The following PPP1R37 variants were observed in gnomAD, a reference collection of about 807,000 sequenced individuals.
PPP1R37 encodes protein phosphatase 1 regulatory subunit 37, also known as leucine rich repeat containing 68.
Under a neutral mutation model 61.0 loss-of-function variants are expected in PPP1R37, and 21 were observed. The observed-to-expected ratio is 0.34, with a 90% confidence interval of 0.24 to 0.50. The LOEUF (loss-of-function observed/expected upper bound fraction) is 0.50. Among genes scored for constraint, PPP1R37 ranks in the 20% least tolerant of loss-of-function variants. The pLI, the probability that PPP1R37 is intolerant of heterozygous loss-of-function variation, is 0.98. For missense variants in PPP1R37, 910 were observed against 952.7 expected (o/e 0.96, Z 0.59); for synonymous variants, 443 against 433.5 (o/e 1.02, Z -0.27).
intron 1 of PPP1R37, among the ~76,000 whole-genome samples, chr19:45,104,845 G>T (rs1312055503): frequency 4.6e-5 from 7 of 152,128 alleles, no homozygotes; most frequent in Non-Finnish European, 7.4e-5. Flanking sequence ...CACGCAGGCA[G>T]CTCCCCACAT....
chr19:45,109,322 G>A (rs1453919164), intron 1 of PPP1R37, among the ~76,000 whole-genome samples: 2 of 152,170 alleles, frequency 1.3e-5, no homozygotes, highest in African/African-American at 4.8e-5. Flanking sequence ...CCCCATCTCA[G>A]TGTGAACAGC....
chr19:45,145,181 T>A lies in PPP1R37; in HGVS notation c.1217T>A (p.Leu406His). The A allele has an allele frequency of 2.0e-6, 3 of 1,535,116 alleles. No homozygotes were observed. Among genetic ancestry groups the A allele is most frequent in the Non-Finnish European group, 2.6e-6 (3 of 1,146,490 alleles). Residue 406 changes from leucine (L) to histidine (H), a missense_variant, in exon 10 of 13, where the codon CTC (leucine) becomes CAC (histidine). Leu to His is a moderately conservative substitution (Grantham distance 99, BLOSUM62 -3). Coordinates refer to ENST00000221462, the MANE Select transcript of PPP1R37 (RefSeq NM_019121.2). ...GAGAACGAGATCAAGACAGGCGGGC[T>A]CATGGCACTGTCGTTGGCCCTCAAG... ...LRENEIKTGG[L>H]MALSLALKVN...
In PPP1R37 at chr19:45,145,529, G is replaced by C; in HGVS notation, c.1473G>C (p.Gly491=). Residue 491 remains glycine, a synonymous_variant, in exon 11 of 13, where the codon GGG becomes GGC. Coordinates refer to ENST00000221462, the MANE Select transcript of PPP1R37 (RefSeq NM_019121.2). ...EPQPDDEPAA[G]VQNGAPSPAP... ...AGCCCGACGACGAGCCCGCCGCTGGGGTGCAGAACGGGGCCCCCAGCCCCG... is the reference window on the plus strand; with the variant it reads ...AGCCCGACGACGAGCCCGCCGCTGGCGTGCAGAACGGGGCCCCCAGCCCCG... 1.3e-6 allele frequency: 2 copies of C among 1,534,268 alleles called. No homozygotes were observed. The highest frequency in any genetic ancestry group is 1.7e-6 in the Non-Finnish European group (2 of 1,146,044).
intron 1 of PPP1R37, among the ~76,000 whole-genome samples, chr19:45,122,692 G>T (rs1028972802): frequency 3.3e-5 from 5 of 152,074 alleles, no homozygotes; most frequent in Non-Finnish European, 7.4e-5. Flanking sequence ...AGGAAGAGGG[G>T]TGCTCTGGGC....
At chr19:45,095,213 A>C (rs1187267406) in intron 1 of PPP1R37, among the ~76,000 whole-genome samples, 4 of 152,136 alleles carry the variant, frequency 2.6e-5, no homozygotes, top group Non-Finnish European at 5.9e-5. Flanking sequence ...TTTTAGACGG[A>C]GTCTCCCTCT....
intron 1 of PPP1R37, among the ~76,000 whole-genome samples, chr19:45,117,528 C>T (rs1221718748): frequency 6.6e-6 from 1 of 152,164 alleles, no homozygotes; most frequent in Non-Finnish European, 1.5e-5. Flanking sequence ...AATTGTGCGC[C>T]TGCTTTGGGT....
rs1470461398 is a variant in PPP1R37 at position 45,130,376 on chromosome 19, C to T, written c.203-8138C>T. Among the ~76,000 whole-genome samples the T allele has an allele frequency of 6.6e-6, 1 of 152,192 alleles. No homozygotes were observed. Among genetic ancestry groups the T allele is most frequent in the Non-Finnish European group, 1.5e-5 (1 of 68,022 alleles). On this transcript the variant is annotated intron_variant, in intron 1 of 12. Coordinates refer to ENST00000221462, the MANE Select transcript of PPP1R37 (RefSeq NM_019121.2). The surrounding 1 kb of genome is among the most constrained non-coding windows in gnomAD (Gnocchi z 4.4). ...TCCTGCAGAATGAGAGCGAAGTCCT[C>T]ACCAGGGTCCACGGGGTCACCGTCC...
intron 1 of PPP1R37, chr19:45,128,451 A>G: frequency 1.7e-6 from 1 of 577,492 alleles, no homozygotes; most frequent in Non-Finnish European, 3.0e-6. Context: ...GTTTAAAGTC[A>G]AGGCAGGGTG....
At chr19:45,127,386 G>A (rs1427175364) in intron 1 of PPP1R37, among the ~76,000 whole-genome samples, 1 of 150,050 alleles carries the variant, frequency 6.7e-6, no homozygotes, top group African/African-American at 2.5e-5. Context: ...ACCCTAGGTG[G>A]CATGCCTACT....
At chr19:45,146,286 C>G in intron 11 of PPP1R37, 104 bp from the exon 12 acceptor site, 1 of 1,109,284 alleles carries the variant, frequency 9.0e-7, no homozygotes, top group Admixed American at 2.3e-5. Flanking sequence ...TCAGCGGTCT[C>G]TGGGCACTCT....
chr19:45,103,467 G>A (rs1968089482), intron 1 of PPP1R37, among the ~76,000 whole-genome samples: 1 of 152,210 alleles, frequency 6.6e-6, no homozygotes, highest in Admixed American at 6.5e-5. Flanking sequence ...GGACTCGTGT[G>A]CCACCTTCAC....
rs1231365889 is a variant in PPP1R37 at position 45,142,457 on chromosome 19, G to A, written c.873G>A (p.Ser291=). The change falls in exon 7 of 13, where the codon TCG becomes TCA. Residue 291 remains serine (S), a splice_region_variant and synonymous_variant. Transcript: ENST00000221462. Reference sequence around the variant, plus strand: ...TCCGGAACAACCACGTGCTAGACTCGGGTGGGTGCAGTGGCCCACCCCACC... The same window carrying A: ...TCCGGAACAACCACGTGCTAGACTCAGGTGGGTGCAGTGGCCCACCCCACC... The part of the protein sequence containing the change: ...LDLRNNHVLD[S]GLAYICEGLK... 1.8e-5 allele frequency: 28 copies of A among 1,535,688 alleles called. No homozygotes were observed. The highest frequency in any genetic ancestry group is 6.9e-5 in the African/African-American group (5 of 72,988).
At chr19:45,113,211 G>T (rs1260078884) in intron 1 of PPP1R37, among the ~76,000 whole-genome samples, 1 of 152,242 alleles carries the variant, frequency 6.6e-6, no homozygotes, top group Non-Finnish European at 1.5e-5. Flanking sequence ...AGGGCAGGAA[G>T]ATGTGCATTA....
intron 3 of PPP1R37, 79 bp downstream of exon 3, chr19:45,140,360 G>C: frequency 7.0e-7 from 1 of 1,436,268 alleles, no homozygotes; most frequent in East Asian, 2.5e-5. Context: ...CTGAGGACCT[G>C]CCTGGGGTTA....
intron 1 of PPP1R37, among the ~76,000 whole-genome samples, chr19:45,104,311 G>T (rs150840239): frequency 6.6e-6 from 1 of 152,304 alleles, no homozygotes; most frequent in Non-Finnish European, 1.5e-5. Context: ...CTGGCTCCTG[G>T]GAGGGGTGGA....
At position 45,146,442 on chromosome 19, in the gene PPP1R37, C is replaced by G. The variant is rs1285082326; in HGVS notation, c.2046C>G (p.Ala682=). ...AGCTCGAGGAGCTGCTTCTGGAAGC[C>G]AGTCAGGAATCCGGGCAGGAGACAC... ...EKELEELLLE[A]SQESGQETL Residue 682 remains alanine (A), a synonymous_variant, in exon 12 of 13, where the codon GCC becomes GCG. Coordinates refer to ENST00000221462, the MANE Select transcript of PPP1R37 (RefSeq NM_019121.2). 6.5e-7 allele frequency: 1 copy of G among 1,535,810 alleles called. No individual in the cohort carries two copies. The highest frequency in any genetic ancestry group is 8.7e-7 in the Non-Finnish European group (1 of 1,146,822).
intron 1 of PPP1R37, among the ~76,000 whole-genome samples, chr19:45,105,183 G>A (rs555775438): frequency 4.6e-5 from 7 of 152,314 alleles, no homozygotes; most frequent in Admixed American, 4.6e-4. Context: ...AGCTCAGACA[G>A]TCCCTACCCT....
At position 45,136,472 on chromosome 19, in the gene PPP1R37, C is replaced by T. The variant is rs138809965; in HGVS notation, c.203-2042C>T. 7.9e-5 allele frequency: 12 copies of T among 152,370 alleles called. 1 individual carries two copies. In the East Asian group the frequency reaches 2.3e-3, roughly 29 times the overall value. 9.4% of individuals were successfully genotyped at this position (152,370 alleles called of 1,614,324 possible). Reference sequence around the variant, plus strand: ...TGGTTAAGACCAGGGCATGCATGGGCTTGTCCATGGCTTGGGGTAGCTGCT... The same window carrying T: ...TGGTTAAGACCAGGGCATGCATGGGTTTGTCCATGGCTTGGGGTAGCTGCT... On this transcript the variant is annotated intron_variant, in intron 1 of 12. Transcript: ENST00000221462.
Position 45,146,471 on chromosome 19 carries a change from G to T in PPP1R37, c.2075G>T (p.Ter692LeuextTer12). ...ASQESGQETL[*>L] The stretch of plus-strand genomic sequence containing the variant: ...CAGGAATCCGGGCAGGAGACACTGT[G>T]ACACTTTAGGTGAGGCCAGGCCCGG... The change falls in exon 12 of 13, where the codon TGA becomes TTA. Residue 692 changes from the stop codon to leucine, a stop_lost. Transcript: ENST00000221462. The T allele has an allele frequency of 6.5e-7, 1 of 1,535,464 alleles. No individual in the cohort carries two copies. The highest frequency in any genetic ancestry group is 1.2e-5 in the South Asian group (1 of 84,002).
Sources: gnomAD v4.1 joint callset for allele counts (sites outside exome capture counted in the v4.1 genomes callset) on GRCh38, gnomAD v4.1.1 for gene constraint, Gnocchi (gnomAD v3.1) non-coding constraint, MANE v1.5 for transcripts, NCBI Gene and HGNC (gene_info 2026-07-23, HGNC 2026-07-21) for gene names.